PCCA: variants seen among roughly 807,000 people sequenced by gnomAD.
PCCA encodes the protein propionyl-CoA carboxylase subunit alpha.
In PCCA, 74 loss-of-function variants were observed where a neutral mutation model predicts 101.3. The observed-to-expected ratio is 0.73, with a 90% CI of 0.61 to 0.89. The LOEUF is 0.89. PCCA is among the 40% of genes least tolerant of loss of function. The pLI, the probability that PCCA is intolerant of heterozygous loss-of-function variation, is 0.00. For missense variants in PCCA, 891 were observed against 907.0 expected, an observed-to-expected ratio of 0.98 and a Z score of 0.23; for synonymous variants, 294 against 313.6, an observed-to-expected ratio of 0.94 and a Z score of 0.66.
intron 1 of PCCA, among the ~76,000 whole-genome samples, chr13:100,097,832 T>C (rs908560315): frequency 2.0e-5 from 3 of 151,920 alleles, no homozygotes; most frequent in Non-Finnish European, 4.4e-5. Context: ...GGGAAAATAG[T>C]GAGAACCCCC....
chr13:100,339,075 A>T (rs2070925861), intron 17 of PCCA, among the ~76,000 whole-genome samples: 1 of 152,032 alleles, frequency 6.6e-6, no homozygotes. Context: ...ACAGAAGCTC[A>T]ATTCCCCAGT....
intron 4 of PCCA, chr13:100,150,945 G>A: frequency 6.5e-7 from 1 of 1,526,736 alleles, no homozygotes; most frequent in South Asian, 1.1e-5. Context: ...TCGCAGCCCA[G>A]TCAGCGCGCT....
At chr13:100,223,172 T>TA (rs2059923384) in intron 7 of PCCA, among the ~76,000 whole-genome samples, 1 of 150,816 alleles carries the variant, frequency 6.6e-6, no homozygotes, top group African/African-American at 2.4e-5. Flanking sequence ...TTTTTTTTTT[T>TA]AAATCAATGA....
At chr13:100,415,713 T>C (rs1211305650) in intron 19 of PCCA, among the ~76,000 whole-genome samples, 2 of 152,240 alleles carry the variant, frequency 1.3e-5, no homozygotes, top group Non-Finnish European at 2.9e-5. Context: ...ACTTGGAATT[T>C]GTGTATGACA....
At chr13:100,117,675 T>C (rs1183491632) in intron 4 of PCCA, among the ~76,000 whole-genome samples, 2 of 151,892 alleles carry the variant, frequency 1.3e-5, no homozygotes, top group Admixed American at 6.6e-5. Flanking sequence ...CTAATGTAAA[T>C]GACGAGTTGA....
intron 8 of PCCA, among the ~76,000 whole-genome samples, chr13:100,239,951 C>T (rs2061020013): frequency 6.6e-6 from 1 of 152,094 alleles, no homozygotes; most frequent in Non-Finnish European, 1.5e-5. Flanking sequence ...TCCTGGATGC[C>T]TCTTTTCCTC....
chr13:100,117,841 G>A (rs1196799736), intron 4 of PCCA, among the ~76,000 whole-genome samples: 1 of 152,106 alleles, frequency 6.6e-6, no homozygotes, highest in African/African-American at 2.4e-5. Context: ...AAGAGGCCGG[G>A]CGTAGTGGCT....
chr13:100,526,277 C>T (rs901275967), intron 22 of PCCA, among the ~76,000 whole-genome samples: 2 of 152,250 alleles, frequency 1.3e-5, no homozygotes, highest in Admixed American at 1.3e-4. Flanking sequence ...TTCGCTCTCC[C>T]TGGAATGCAG....
chr13:100,347,980 A>G (rs775050266), intron 18 of PCCA, among the ~76,000 whole-genome samples: 8 of 152,192 alleles, frequency 5.3e-5, no homozygotes, highest in African/African-American at 1.9e-4. Flanking sequence ...AAGTGAAGCT[A>G]TGTTTCTGGC....
chr13:100,242,696 A>G (rs764401427), intron 8 of PCCA, among the ~76,000 whole-genome samples: 1 of 152,218 alleles, frequency 6.6e-6, no homozygotes, highest in Non-Finnish European at 1.5e-5. Flanking sequence ...ATATCTCATA[A>G]AGTGTTGCCC....
At chr13:100,515,653 G>T (rs927129091) in intron 22 of PCCA, 86 bp downstream of exon 22, 1 of 1,526,184 alleles carries the variant, frequency 6.6e-7, no homozygotes, top group East Asian at 2.2e-5. Flanking sequence ...AGCACGATTC[G>T]GCTCTTTGCA....
chr13:100,206,017 C>T (rs766920674), intron 6 of PCCA, among the ~76,000 whole-genome samples: 6 of 152,204 alleles, frequency 3.9e-5, no homozygotes, highest in Admixed American at 6.5e-5. Flanking sequence ...TACAGAGCAG[C>T]GCTACTTCCT....
chr13:100,187,768 G>A (rs1367215782), intron 6 of PCCA, among the ~76,000 whole-genome samples: 1 of 152,080 alleles, frequency 6.6e-6, no homozygotes, highest in Non-Finnish European at 1.5e-5. Flanking sequence ...TTTTATTTCA[G>A]TAAATTTTTG....
intron 4 of PCCA, among the ~76,000 whole-genome samples, chr13:100,151,769 A>G (rs947062498): frequency 6.6e-6 from 1 of 152,240 alleles, no homozygotes; most frequent in Admixed American, 6.5e-5. Context: ...TTTTTGAAAC[A>G]TATAGCCAGT....
intron 7 of PCCA, among the ~76,000 whole-genome samples, chr13:100,210,940 G>A (rs2059174206): frequency 6.6e-6 from 1 of 152,168 alleles, no homozygotes; most frequent in Non-Finnish European, 1.5e-5. Flanking sequence ...ACAAGGAAGA[G>A]GTGTTCCACA....
chr13:100,481,330 G>T (rs767033654), intron 21 of PCCA, among the ~76,000 whole-genome samples: 1 of 152,158 alleles, frequency 6.6e-6, no homozygotes, highest in Non-Finnish European at 1.5e-5. Context: ...GTCCAAGGCA[G>T]GTGGATCACT....
intron 15 of PCCA, 53 bp from the exon 16 acceptor site, chr13:100,309,780 A>G: frequency 1.8e-6 from 2 of 1,118,012 alleles, no homozygotes; most frequent in Admixed American, 4.0e-5. Flanking sequence ...TGAATCATTT[A>G]ACATAGTTCT....
At chr13:100,259,318 A>T (rs762219042) in intron 9 of PCCA, among the ~76,000 whole-genome samples, 18 of 144,074 alleles carry the variant, frequency 1.2e-4, no homozygotes, top group East Asian at 1.0e-3. Flanking sequence ...ATTTTTTTTA[A>T]AAATGTAATG....
intron 19 of PCCA, 91 bp downstream of exon 19, chr13:100,368,665 T>C: frequency 1.2e-6 from 1 of 817,792 alleles, no homozygotes; most frequent in South Asian, 1.4e-5. Context: ...CTCTCGTCTT[T>C]TGAATTTGTA....
Sources: gnomAD v4.1 joint callset for allele counts (sites outside exome capture counted in the v4.1 genomes callset) on GRCh38, gnomAD v4.1.1 for gene constraint, MANE v1.5 for transcripts, NCBI Gene and HGNC (gene_info 2026-07-23, HGNC 2026-07-21) for gene names.